PCAT6: variants seen among roughly 807,000 people sequenced by gnomAD.
PCAT6 encodes prostate cancer associated transcript 6.
exon 1 of PCAT6, chr1:202,811,625 C>T (rs1658553127): frequency 5.2e-6 from 2 of 384,310 alleles, no homozygotes; most frequent in Admixed American, 9.0e-5. Flanking sequence ...CGGTCTCTGC[C>T]TTGCTCGTGC....
exon 1 of PCAT6, chr1:202,811,707 T>A (rs1658555772): frequency 3.3e-6 from 1 of 304,200 alleles, no homozygotes; most frequent in Non-Finnish European, 6.0e-6. Context: ...GCACCGGCTT[T>A]CCCTCGTCCT....
exon 1 of PCAT6, chr1:202,811,061 G>A: frequency 5.6e-6 from 2 of 358,178 alleles, no homozygotes; most frequent in Non-Finnish European, 1.0e-5. Flanking sequence ...AGGCCATAGC[G>A]GAGCTGCAGC....
chr1:202,811,411 T>TGG (rs1179599360), exon 1 of PCAT6: 1 of 398,536 alleles, frequency 2.5e-6, no homozygotes, highest in Non-Finnish European at 4.4e-6. Context: ...GTTGCAAACT[T>TGG]GGGGGGACTT....
Position 202,811,200 on chromosome 1 carries a change from G to T in PCAT6, n.318G>T, listed in dbSNP as rs1571474634. The T allele has an allele frequency of 4.3e-5, 17 of 396,030 alleles. No individual in the cohort carries two copies. The East Asian group carries it at 6.1e-4, about 14-fold the overall frequency. 24.5% of individuals were successfully genotyped at this position (396,030 alleles called of 1,614,324 possible). The stretch of plus-strand genomic sequence containing the variant: ...CCCAAACCGCCCTCATTTGTGCAGC[G>T]CCAGATCCTTCGGACACATCCCTAG... On this transcript the variant is annotated non_coding_transcript_exon_variant, in exon 1 of 1. Coordinates refer to ENST00000686658, the Ensembl canonical transcript of PCAT6.
At position 202,811,375 on chromosome 1, in the gene PCAT6, C is replaced by T. The variant is rs964736188; in HGVS notation, n.493C>T. The T allele has an allele frequency of 2.5e-5, 10 of 398,730 alleles. No individual in the cohort carries two copies. The Admixed American group carries it at 4.4e-4, about 18-fold the overall frequency. The allele number at this position is 398,730 out of a possible 1,614,324, so 24.7% of individuals were successfully genotyped here. ...GCGCTCCTCGCGTTCCTTCCGGTAA[C>T]CGCGTTGCGAAGACCACGCTGCCGG... On this transcript the variant is annotated non_coding_transcript_exon_variant, in exon 1 of 1. Coordinates refer to ENST00000686658, the Ensembl canonical transcript of PCAT6.
exon 1 of PCAT6, chr1:202,811,867 C>T (rs990908771): frequency 6.4e-6 from 1 of 156,064 alleles, no homozygotes; most frequent in African/African-American, 2.4e-5. Context: ...TTTGTGTAGT[C>T]CTACAACGTC....
exon 1 of PCAT6, chr1:202,811,579 C>A (rs1291381529): frequency 5.1e-6 from 2 of 392,610 alleles, no homozygotes; most frequent in Non-Finnish European, 9.0e-6. Flanking sequence ...TTTCAGGGCT[C>A]CAGGTGTCCG....
At chr1:202,811,172 TC>T (rs1373216997) in exon 1 of PCAT6, 3 of 394,426 alleles carry the variant, frequency 7.6e-6, no homozygotes, top group Non-Finnish European at 1.3e-5. Context: ...CGGGCCTCCG[TC>T]CCCCAAACCG....
chr1:202,811,268 C>G lies in PCAT6; in HGVS notation n.386C>G, dbSNP rs183498595. The G allele has an allele frequency of 2.5e-5, 10 of 399,460 alleles. No individual in the cohort carries two copies. The East Asian group carries it at 3.6e-4, about 14-fold the overall frequency. The allele number at this position is 399,460 out of a possible 1,614,324, so 24.7% of individuals were successfully genotyped here. A position where few individuals can be genotyped will look rare whatever the true frequency, so the allele number is the denominator to read the frequency against. On this transcript the variant is annotated non_coding_transcript_exon_variant, in exon 1 of 1. Transcript: ENST00000686658. The stretch of plus-strand genomic sequence containing the variant: ...CGGTCCATCCAACTCCCAGACCTCA[C>G]GTCAACCGGCTGCACCCCACTTTCC...
exon 1 of PCAT6, chr1:202,811,124 A>T (rs1407485662): frequency 5.2e-5 from 20 of 385,664 alleles, no homozygotes; most frequent in Admixed American, 9.0e-5. Flanking sequence ...GTCTCCAGGA[A>T]CCCCCTCCTT....
exon 1 of PCAT6, chr1:202,811,560 C>CT: frequency 2.5e-6 from 1 of 394,720 alleles, no homozygotes; most frequent in Non-Finnish European, 4.5e-6. Flanking sequence ...CTCGCCGCCT[C>CT]TGACAACTTT....
At chr1:202,811,842 G>A in exon 1 of PCAT6, 1 of 161,614 alleles carries the variant, frequency 6.2e-6, no homozygotes, top group Non-Finnish European at 1.3e-5. Flanking sequence ...TTGCGATTTG[G>A]CCTCCTTGTT....
At chr1:202,811,526 C>T in exon 1 of PCAT6, 1 of 397,046 alleles carries the variant, frequency 2.5e-6, no homozygotes, top group East Asian at 3.6e-5. Flanking sequence ...ACGTAGCGCA[C>T]GTGTAGGGTC....
At chr1:202,811,197 A>G in exon 1 of PCAT6, 1 of 395,572 alleles carries the variant, frequency 2.5e-6, no homozygotes, top group Non-Finnish European at 4.5e-6. Context: ...TCATTTGTGC[A>G]GCGCCAGATC....
At chr1:202,811,231 T>A in exon 1 of PCAT6, 1 of 398,728 alleles carries the variant, frequency 2.5e-6, no homozygotes, top group Non-Finnish European at 4.4e-6. Flanking sequence ...CCTAGGTGTC[T>A]CCATCCTCAT....
chr1:202,811,437 C>G (rs938166768), exon 1 of PCAT6: 1 of 398,536 alleles, frequency 2.5e-6, no homozygotes, highest in African/African-American at 2.1e-5. Flanking sequence ...CTCCCCTCCC[C>G]CTGGGCGCCG....
chr1:202,811,393 G>C (rs1658547762), exon 1 of PCAT6: 1 of 398,610 alleles, frequency 2.5e-6, no homozygotes, highest in Non-Finnish European at 4.4e-6. Context: ...CGAAGACCAC[G>C]CTGCCGGGTT....
exon 1 of PCAT6, chr1:202,810,978 G>T (rs1043894437): frequency 2.7e-5 from 6 of 222,152 alleles, no homozygotes; most frequent in East Asian, 8.9e-5. Context: ...GGCAACCCCA[G>T]CCTGGAGGTG....
At chr1:202,811,661 A>C (rs1281108943) in exon 1 of PCAT6, 2 of 357,256 alleles carry the variant, frequency 5.6e-6, no homozygotes, top group Non-Finnish European at 1.0e-5. Flanking sequence ...TCCCCTCCCA[A>C]CCCGGTGGAT....
Sources: allele counts gnomAD v4.1 joint callset, GRCh38; gene constraint gnomAD v4.1.1; transcripts MANE v1.5; gene names NCBI Gene and HGNC (gene_info 2026-07-23, HGNC 2026-07-21).